TMEM120B: variants seen among roughly 807,000 people sequenced by gnomAD.
The protein encoded by TMEM120B is transmembrane protein 120B.
In TMEM120B, 31 loss-of-function variants were observed where a neutral mutation model predicts 55.5. That is an observed-to-expected ratio of 0.56 (90% CI 0.42 to 0.75). TMEM120B has a LOEUF of 0.75. Ranked by LOEUF, TMEM120B falls within the 30% of genes least tolerant of loss-of-function variation. TMEM120B has a pLI of 0.00. For missense variants in TMEM120B, 399 were observed against 425.5 expected (o/e 0.94, Z 0.55); for synonymous variants, 203 against 176.3 (o/e 1.15, Z -1.20).
At chr12:121,744,938 A>G (rs1205203452) in intron 2 of TMEM120B, among the ~76,000 whole-genome samples, 2 of 152,200 alleles carry the variant, frequency 1.3e-5, no homozygotes, top group African/African-American at 4.8e-5. Flanking sequence ...CATCTTGGTA[A>G]TGGCAGGGCT....
At position 121,741,370 on chromosome 12, in the gene TMEM120B, C is replaced by T. The variant is rs181687604; in HGVS notation, c.70-2259C>T. Among the ~76,000 whole-genome samples the T allele has an allele frequency of 3.9e-5, 6 of 152,250 alleles. No homozygotes were observed. In the East Asian group the frequency reaches 1.2e-3, roughly 29 times the overall value. On this transcript the variant is annotated intron_variant, in intron 1 of 11. Coordinates refer to ENST00000449592, the MANE Select transcript of TMEM120B (RefSeq NM_001080825.2). Reference sequence around the variant, plus strand: ...TTGAGACAGAGTTTCACTCTTGTTGCCCAAGCTGGAGTGCAATGGCGCGAT... The same window carrying T: ...TTGAGACAGAGTTTCACTCTTGTTGTCCAAGCTGGAGTGCAATGGCGCGAT...
intron 8 of TMEM120B, among the ~76,000 whole-genome samples, chr12:121,772,736 A>T (rs1274586727): frequency 6.6e-6 from 1 of 152,220 alleles, no homozygotes; most frequent in Admixed American, 6.5e-5. Flanking sequence ...TTGACTTTTC[A>T]GATACTACAA....
chr12:121,752,259 A>G, intron 5 of TMEM120B, 36 bp downstream of exon 5: 2 of 1,582,132 alleles, frequency 1.3e-6, no homozygotes, highest in African/African-American at 1.3e-5. Context: ...GGGCCTGGGC[A>G]TGCAGACGTC....
rs888131582 is a variant in TMEM120B, at chr12:121,776,523, T to C, written c.*801T>C. 6.6e-6 allele frequency: 1 copy of C among 152,114 alleles called. No individual in the cohort carries two copies. Among genetic ancestry groups the C allele is most frequent in the East Asian group, 1.9e-4 (1 of 5,172 alleles). The allele number at this position is 152,114 out of a possible 1,614,324, so 9.4% of individuals were successfully genotyped here. ...CCCCCTCCTTCCCAGAGCTTCTGGA[T>C]GTTGTGGGAGGGAGGTGGGGGTGCC... On this transcript the variant is annotated 3_prime_UTR_variant, in exon 12 of 12. Transcript: ENST00000449592.
intron 5 of TMEM120B, 152 bp downstream of exon 5, chr12:121,752,375 A>C: frequency 1.5e-6 from 1 of 647,568 alleles, no homozygotes; most frequent in Non-Finnish European, 2.7e-6. Flanking sequence ...TTCTCATGGG[A>C]AATGCCAGTC....
intron 1 of TMEM120B, among the ~76,000 whole-genome samples, chr12:121,725,410 G>A (rs1894873942): frequency 1.3e-5 from 2 of 152,158 alleles, no homozygotes; most frequent in African/African-American, 4.8e-5. Flanking sequence ...AATAAAAATA[G>A]CAGTTTGGCA....
intron 5 of TMEM120B, among the ~76,000 whole-genome samples, chr12:121,754,039 C>T (rs550995097): frequency 2.0e-5 from 3 of 152,356 alleles, no homozygotes; most frequent in African/African-American, 4.8e-5. Context: ...CCAGGGGAAG[C>T]GGTCAAGTAC....
chr12:121,752,052 TG>T, intron 4 of TMEM120B, 75 bp from the exon 5 acceptor site: 2 of 1,234,970 alleles, frequency 1.6e-6, no homozygotes, highest in South Asian at 1.3e-5. Flanking sequence ...AAGGGTCTGA[TG>T]GGGCTGAGGG....
intron 8 of TMEM120B, among the ~76,000 whole-genome samples, chr12:121,773,117 C>T (rs1208782362): frequency 6.6e-6 from 1 of 152,202 alleles, no homozygotes; most frequent in Non-Finnish European, 1.5e-5. Context: ...AGCTTGCATT[C>T]CAGCAAGCAT....
chr12:121,727,756 C>A (rs1172579405), intron 1 of TMEM120B, among the ~76,000 whole-genome samples: 1 of 148,772 alleles, frequency 6.7e-6, no homozygotes, highest in Admixed American at 6.7e-5. Flanking sequence ...CGCCAGTAGT[C>A]CCAGCTACTC....
At chr12:121,741,651 A>G (rs1872936438) in intron 1 of TMEM120B, among the ~76,000 whole-genome samples, 1 of 151,834 alleles carries the variant, frequency 6.6e-6, no homozygotes, top group East Asian at 1.9e-4. Context: ...TTATTCATTT[A>G]TTTATTTATT....
intron 6 of TMEM120B, among the ~76,000 whole-genome samples, chr12:121,766,028 G>A (rs938731198): frequency 1.3e-5 from 2 of 152,102 alleles, no homozygotes; most frequent in Admixed American, 1.3e-4. Flanking sequence ...CCAAACCCAA[G>A]TTCTGCGTGA....
intron 4 of TMEM120B, among the ~76,000 whole-genome samples, chr12:121,751,256 TACCCAAC>T (rs1336465733): frequency 2.7e-5 from 1 of 37,036 alleles, no homozygotes; most frequent in African/African-American, 1.1e-4. Context: ...CCACACCTAA[TACCCAAC>T]ACCCCACACC....
chr12:121,752,180 C>T lies in TMEM120B; in HGVS notation c.418C>T (p.Leu140=), dbSNP rs1313689249. ...GTTCAAGCTCTACCTGACCATCATC[C>T]TGCTCCTGGGTGCCGTGGCATGTCG... ...EKFKLYLTII[L]LLGAVACRFV... is the part of the protein sequence containing the mutation. Residue 140 remains leucine, a synonymous_variant, in exon 5 of 12, where the codon CTG becomes TTG. Coordinates refer to ENST00000449592, the MANE Select transcript of TMEM120B (RefSeq NM_001080825.2). 4.3e-6 allele frequency: 7 copies of T among 1,613,688 alleles called. No homozygotes were observed. Among genetic ancestry groups the T allele is most frequent in the Admixed American group, 1.7e-5 (1 of 60,006 alleles).
chr12:121,720,524 A>T (rs1364687279), intron 1 of TMEM120B, among the ~76,000 whole-genome samples: 2 of 152,166 alleles, frequency 1.3e-5, no homozygotes, highest in Non-Finnish European at 2.9e-5. Flanking sequence ...AGCCTAGGCA[A>T]CATGGCAAAA....
At chr12:121,760,468 C>T (rs1873640410) in intron 5 of TMEM120B, among the ~76,000 whole-genome samples, 1 of 152,174 alleles carries the variant, frequency 6.6e-6, no homozygotes, top group African/African-American at 2.4e-5. Context: ...TGCGCAGTGG[C>T]CTGCGAGCTG....
chr12:121,763,513 A>G (rs1024250536), intron 6 of TMEM120B, among the ~76,000 whole-genome samples: 1 of 151,504 alleles, frequency 6.6e-6, no homozygotes, highest in African/African-American at 2.4e-5. Context: ...GCACCATCTC[A>G]GCTCACTGCA....
At chr12:121,739,078 T>C (rs1243396833) in intron 1 of TMEM120B, among the ~76,000 whole-genome samples, 1 of 152,018 alleles carries the variant, frequency 6.6e-6, no homozygotes, top group Non-Finnish European at 1.5e-5. Flanking sequence ...TCCCAGCTAC[T>C]TGGGAGGCTG....
rs780994352 is a variant in TMEM120B, at chr12:121,746,575, C to T, written c.189-1751C>T. ...CTCAAACTCATGGCCTCAAGTGATC[C>T]TCCTGCCCTGGCCTCCCAAAGTGCT... On this transcript the variant is annotated intron_variant, in intron 2 of 11. Coordinates refer to ENST00000449592, the MANE Select transcript of TMEM120B (RefSeq NM_001080825.2). Among the ~76,000 whole-genome samples, 28 of 152,018 alleles carry T rather than the reference C, an allele frequency of 1.8e-4. 1 individual carries two copies. The highest frequency in any genetic ancestry group is 3.5e-4 in the Non-Finnish European group (24 of 68,000).
Sources: allele counts gnomAD v4.1 joint callset (sites outside exome capture counted in the v4.1 genomes callset), GRCh38; gene constraint gnomAD v4.1.1; transcripts MANE v1.5; gene names NCBI Gene and HGNC (gene_info 2026-07-23, HGNC 2026-07-21).